TYW1: variants seen among roughly 807,000 people sequenced by gnomAD.
TYW1 encodes tRNA-yW synthesizing protein 1 homolog, also known as S-adenosyl-L-methionine-dependent tRNA 4-demethylwyosine synthase TYW1.
In TYW1, 46 loss-of-function variants were observed where a neutral mutation model predicts 96.2. The ratio of observed to expected loss-of-function variants is 0.48; its 90% CI spans 0.38 to 0.61. The LOEUF (loss-of-function observed/expected upper bound fraction) is 0.61, where lower values mean the gene tolerates loss of function less well. Among genes scored for constraint, TYW1 ranks in the 20% least tolerant of loss-of-function variants. The pLI is 0.00. For synonymous variants in TYW1, 274 were observed against 323.0 expected (o/e 0.85, Z 1.63); for missense variants, 684 against 909.6 (o/e 0.75, Z 3.19).
In TYW1 at chr7:67,223,225, T is replaced by G. The variant is rs540640088; in HGVS notation, c.1978-15083T>G. ...GTAGTTTTCTTTTGGATGGACCGTATATCACTGTTTCTTTGTGTGCCTTGT... is the reference window on the plus strand; with the variant it reads ...GTAGTTTTCTTTTGGATGGACCGTAGATCACTGTTTCTTTGTGTGCCTTGT... On this transcript the variant is annotated intron_variant, in intron 15 of 15. Transcript: ENST00000359626. 2.0e-5 allele frequency among the ~76,000 whole-genome samples: 3 copies of G among 152,352 alleles called. No homozygotes were observed. The East Asian group carries it at 5.8e-4, about 29-fold the overall frequency.
At chr7:67,100,370 G>A (rs762226598) in intron 12 of TYW1, among the ~76,000 whole-genome samples, 2 of 151,470 alleles carry the variant, frequency 1.3e-5, no homozygotes, top group Admixed American at 6.6e-5. Flanking sequence ...TGTTTTCCCC[G>A]ATTAGACTGC....
At chr7:67,203,926 TTTC>T (rs1800684335) in intron 15 of TYW1, among the ~76,000 whole-genome samples, 1 of 152,236 alleles carries the variant, frequency 6.6e-6, no homozygotes, top group South Asian at 2.1e-4. Context: ...TGACAGCTCT[TTTC>T]TTTCCTTCTG....
At chr7:67,163,328 C>G (rs750220155) in intron 13 of TYW1, among the ~76,000 whole-genome samples, 2 of 152,198 alleles carry the variant, frequency 1.3e-5, no homozygotes, top group Non-Finnish European at 2.9e-5. Flanking sequence ...ACTTTGCTTA[C>G]AGTCCCTCTT....
chr7:67,112,309 C>T (rs1464959310), intron 12 of TYW1, among the ~76,000 whole-genome samples: 2 of 151,904 alleles, frequency 1.3e-5, no homozygotes, highest in Non-Finnish European at 2.9e-5. Context: ...ATAAAGTATG[C>T]TTAGTCACAG....
intron 13 of TYW1, among the ~76,000 whole-genome samples, chr7:67,128,785 T>C (rs1171792712): frequency 6.7e-6 from 1 of 149,942 alleles, no homozygotes; most frequent in Non-Finnish European, 1.5e-5. Flanking sequence ...GCCTCCCAGG[T>C]TCAAGCAATT....
intron 9 of TYW1, among the ~76,000 whole-genome samples, chr7:67,056,942 G>A (rs1251865335): frequency 2.0e-5 from 3 of 151,712 alleles, no homozygotes; most frequent in Non-Finnish European, 4.4e-5. Context: ...CCATCATGTG[G>A]TATTGTCTTT....
intron 10 of TYW1, among the ~76,000 whole-genome samples, chr7:67,073,120 TGTG>T (rs984644822): frequency 2.0e-5 from 3 of 151,890 alleles, no homozygotes; most frequent in African/African-American, 7.3e-5. Context: ...TATCTCGAGA[TGTG>T]GTAAGAACAA....
At chr7:67,144,208 A>G (rs1234368421) in intron 13 of TYW1, among the ~76,000 whole-genome samples, 3 of 152,206 alleles carry the variant, frequency 2.0e-5, no homozygotes, top group Non-Finnish European at 4.4e-5. Context: ...AGTATCTTTT[A>G]TGTGACGCTA....
At chr7:67,136,330 C>T (rs1798253567) in intron 13 of TYW1, among the ~76,000 whole-genome samples, 1 of 152,064 alleles carries the variant, frequency 6.6e-6, no homozygotes, top group African/African-American at 2.4e-5. Flanking sequence ...AGTATGTTTC[C>T]ATGTTATGTA....
Position 67,125,405 on chromosome 7 carries a change from T to A in TYW1, c.1698+7787T>A, listed in dbSNP as rs545292452. On this transcript the variant is annotated intron_variant, in intron 13 of 15. Coordinates refer to ENST00000359626, the MANE Select transcript of TYW1 (RefSeq NM_018264.4). ...AGGGGGTCTGGATTTTTTTTTTTAA[T>A]GGACTTTATATTTTAGAGCAGTTTT... 6.6e-5 allele frequency among the ~76,000 whole-genome samples: 10 copies of A among 151,296 alleles called. No individual in the cohort carries two copies. The East Asian group carries it at 1.9e-3, about 29-fold the overall frequency.
chr7:67,135,754 C>A (rs1440609393), intron 13 of TYW1, among the ~76,000 whole-genome samples: 1 of 152,140 alleles, frequency 6.6e-6, no homozygotes, highest in African/African-American at 2.4e-5. Flanking sequence ...GGTATGGCAG[C>A]CCCACCAGTT....
At chr7:67,193,255 C>G (rs115344588) in intron 14 of TYW1, among the ~76,000 whole-genome samples, 10 of 152,068 alleles carry the variant, frequency 6.6e-5, no homozygotes, top group Non-Finnish European at 1.5e-4. Flanking sequence ...TCTAAATCAC[C>G]GGGCAAACTG....
At chr7:67,041,671 C>A (rs1430251724) in intron 7 of TYW1, among the ~76,000 whole-genome samples, 1 of 152,164 alleles carries the variant, frequency 6.6e-6, no homozygotes, top group Non-Finnish European at 1.5e-5. Context: ...CCATGACACA[C>A]CACATGAAAT....
intron 15 of TYW1, among the ~76,000 whole-genome samples, chr7:67,201,662 A>G (rs1892749): frequency 5.7e-4 from 87 of 152,308 alleles, no homozygotes; most frequent in African/African-American, 1.9e-3. Flanking sequence ...TATAGATATC[A>G]AATTATGGAG....
intron 6 of TYW1, among the ~76,000 whole-genome samples, chr7:67,022,756 A>C (rs756318446): frequency 2.0e-5 from 3 of 152,180 alleles, no homozygotes; most frequent in Non-Finnish European, 4.4e-5. Flanking sequence ...ATTAAAGAAC[A>C]CATTCATACA....
chr7:67,147,151 C>T (rs564250425), intron 13 of TYW1, among the ~76,000 whole-genome samples: 9 of 152,006 alleles, frequency 5.9e-5, no homozygotes, highest in Non-Finnish European at 1.0e-4. Flanking sequence ...ATTCAACCAA[C>T]CACAGATTGA....
Position 66,996,929 on chromosome 7 carries a change from A to T in TYW1, c.-50A>T. 4 of 1,613,696 alleles carry T rather than the reference A, an allele frequency of 2.5e-6. No homozygotes were observed. The highest frequency in any genetic ancestry group is 3.4e-6 in the Non-Finnish European group (4 of 1,179,844). ...GCGTCTCGCGGTACCAGTGCGAATC[A>T]TCGGGCTATCCAGGTCCGAGATCCT... is the stretch of plus-strand genomic sequence containing the variant. On this transcript the variant is annotated 5_prime_UTR_variant, in exon 1 of 16. Transcript: ENST00000359626.
chr7:67,207,913 G>T (rs1482038153), intron 15 of TYW1, among the ~76,000 whole-genome samples: 5 of 151,974 alleles, frequency 3.3e-5, no homozygotes, highest in Admixed American at 2.6e-4. Context: ...TAGAGATGGG[G>T]TTTTACCATG....
chr7:67,217,651 TTTG>T (rs1439089138), intron 15 of TYW1, among the ~76,000 whole-genome samples: 2 of 152,164 alleles, frequency 1.3e-5, no homozygotes, highest in Non-Finnish European at 2.9e-5. Flanking sequence ...TTATTATAGC[TTTG>T]TTGTAAGTTT....
Sources: allele counts gnomAD v4.1 joint callset (sites outside exome capture counted in the v4.1 genomes callset), GRCh38; gene constraint gnomAD v4.1.1; transcripts MANE v1.5; gene names NCBI Gene and HGNC (gene_info 2026-07-23, HGNC 2026-07-21).